DACH2: variants seen among roughly 807,000 people sequenced by gnomAD.
The protein encoded by DACH2 is dachshund family transcription factor 2.
In DACH2, 17 loss-of-function variants were observed where a neutral mutation model predicts 35.8. That is an observed-to-expected ratio of 0.48 (90% confidence interval 0.33 to 0.71). DACH2 has a LOEUF of 0.71. DACH2 is among the 30% of genes least tolerant of loss of function. DACH2 has a pLI of 0.02. For missense variants in DACH2, 469 were observed against 472.7 expected (o/e 0.99, Z 0.07); for synonymous variants, 195 against 177.3 (o/e 1.10, Z -0.79).
At chrX:86,727,258 G>A (rs1406596021) in intron 6 of DACH2, among the ~76,000 whole-genome samples, 1 of 111,465 alleles carries the variant, frequency 9.0e-6, no homozygotes, top group African/African-American at 3.3e-5. Flanking sequence ...TCTTTGTTGT[G>A]TATAGTATAA....
intron 1 of DACH2, among the ~76,000 whole-genome samples, chrX:86,172,577 G>A (rs763260069): frequency 8.9e-6 from 1 of 112,127 alleles, no homozygotes; most frequent in Non-Finnish European, 1.9e-5. Flanking sequence ...ATTACAGGCA[G>A]AGCCAATTCT....
At chrX:86,171,877 G>A (rs1287063049) in intron 1 of DACH2, among the ~76,000 whole-genome samples, 2 of 111,374 alleles carry the variant, frequency 1.8e-5, no homozygotes, top group Non-Finnish European at 3.8e-5. Flanking sequence ...TTGTTAACTT[G>A]CATAGCTTTC....
At chrX:86,636,356 C>T (rs1446705834) in intron 3 of DACH2, among the ~76,000 whole-genome samples, 1 of 111,075 alleles carries the variant, frequency 9.0e-6, no homozygotes, top group East Asian at 2.8e-4. Context: ...GCTGAGACAG[C>T]AGAATCACTT....
intron 2 of DACH2, among the ~76,000 whole-genome samples, chrX:86,452,882 T>C (rs1414325103): frequency 9.0e-6 from 1 of 111,376 alleles, no homozygotes; most frequent in Non-Finnish European, 1.9e-5. Context: ...TTTGCTCTAG[T>C]TCTCTAGTTC....
chrX:86,148,949 A>G lies in DACH2; in HGVS notation c.329A>G (p.Tyr110Cys). The change falls in exon 1 of 12, where the codon TAC becomes TGC. Residue 110 changes from tyrosine (Y) to cysteine (C), a missense_variant. This residue lies in a region of DACH2 where 99 missense variants were observed against 114.3 expected (regional missense o/e 0.87). Transcript: ENST00000373125. The stretch of plus-strand genomic sequence containing the variant: ...CTGGTGGGAGGCTTGCACACTGTGT[A>G]CACCAAGCTGAAGAGACTGGATATA... ...KHLVGGLHTV[Y>C]TKLKRLDISP... 1 of 1,211,091 alleles carries G rather than the reference A, an allele frequency of 8.3e-7. No individual in the cohort carries two copies.
rs747679968 is a variant in DACH2, at chrX:86,599,833, GA to G, written c.641-51201del. Among the ~76,000 whole-genome samples, 4 of 110,584 alleles carry G rather than the reference GA, an allele frequency of 3.6e-5. No homozygotes were observed. In the East Asian group the frequency reaches 8.7e-4, roughly 24 times the overall value. Reference sequence around the variant, plus strand: ...TTTCATTATTAGCTTGCGTATCCCAGAATGGAACCTTCACCCTTTGAATCAC... The same window carrying G: ...TTTCATTATTAGCTTGCGTATCCCAGATGGAACCTTCACCCTTTGAATCAC... On this transcript the variant is annotated intron_variant, in intron 3 of 11. Coordinates refer to ENST00000373125, the MANE Select transcript of DACH2 (RefSeq NM_053281.3).
At chrX:86,355,349 G>A (rs1415088215) in intron 1 of DACH2, among the ~76,000 whole-genome samples, 1 of 111,772 alleles carries the variant, frequency 8.9e-6, no homozygotes, top group African/African-American at 3.3e-5. Flanking sequence ...ATGGTAGAAT[G>A]ATTTACATTC....
chrX:86,533,714 A>G (rs58879682), intron 3 of DACH2, among the ~76,000 whole-genome samples: 114 of 112,277 alleles, frequency 1.0e-3, no homozygotes, highest in African/African-American at 3.4e-3. Context: ...ATTTATTAGG[A>G]GTACCAAGTT....
At chrX:86,678,716 TA>T (rs1051850226) in intron 4 of DACH2, among the ~76,000 whole-genome samples, 147 of 109,935 alleles carry the variant, frequency 1.3e-3, no homozygotes, top group East Asian at 6.0e-3. Flanking sequence ...AAATGAAACA[TA>T]AAAAAAAATA....
intron 1 of DACH2, among the ~76,000 whole-genome samples, chrX:86,370,050 A>G (rs1043018889): frequency 4.5e-5 from 5 of 111,978 alleles, no homozygotes; most frequent in African/African-American, 9.7e-5. Flanking sequence ...TGACTACTGC[A>G]TGCCAGCATT....
chrX:86,307,604 G>A, intron 1 of DACH2, among the ~76,000 whole-genome samples: 1 of 111,233 alleles, frequency 9.0e-6, no homozygotes. Flanking sequence ...ACTGCCTGAG[G>A]TAACAGTGAT....
intron 2 of DACH2, among the ~76,000 whole-genome samples, chrX:86,396,083 A>G (rs1353355427): frequency 8.9e-6 from 1 of 111,763 alleles, no homozygotes. Flanking sequence ...TGCCATTCTA[A>G]CTGGTGTGAG....
intron 2 of DACH2, among the ~76,000 whole-genome samples, chrX:86,465,930 C>A (rs756864989): frequency 9.0e-6 from 1 of 111,493 alleles, no homozygotes; most frequent in African/African-American, 3.3e-5. Flanking sequence ...GCTGTACAAT[C>A]GATATGCAAA....
intron 2 of DACH2, among the ~76,000 whole-genome samples, chrX:86,445,092 T>C (rs1411727779): frequency 9.0e-6 from 1 of 110,864 alleles, no homozygotes; most frequent in Non-Finnish European, 1.9e-5. Context: ...GTTTTTATAG[T>C]TTTCTGAAGT....
chrX:86,412,687 G>A (rs2036634309), intron 2 of DACH2, among the ~76,000 whole-genome samples: 1 of 111,503 alleles, frequency 9.0e-6, no homozygotes, highest in South Asian at 3.7e-4. Flanking sequence ...AGATGGCAGG[G>A]CCTTACTTCA....
At chrX:86,601,080 C>A (rs2039783371) in intron 3 of DACH2, among the ~76,000 whole-genome samples, 1 of 110,955 alleles carries the variant, frequency 9.0e-6, no homozygotes, top group East Asian at 2.9e-4. Context: ...TTTCTGCTCC[C>A]TGAACCAAAA....
At chrX:86,573,437 CA>C (rs757873791) in intron 3 of DACH2, among the ~76,000 whole-genome samples, 56 of 111,391 alleles carry the variant, frequency 5.0e-4, no homozygotes, top group Non-Finnish European at 1.1e-4. Flanking sequence ...GGAAGATTTA[CA>C]AAAATAAATG....
intron 1 of DACH2, among the ~76,000 whole-genome samples, chrX:86,253,184 A>C (rs1206551869): frequency 9.0e-6 from 1 of 110,940 alleles, no homozygotes; most frequent in East Asian, 2.8e-4. Context: ...AAAAAAATAA[A>C]TTAAAAAAAA....
At chrX:86,452,826 G>A (rs1285132229) in intron 2 of DACH2, among the ~76,000 whole-genome samples, 1 of 110,777 alleles carries the variant, frequency 9.0e-6, no homozygotes, top group Admixed American at 9.7e-5. Flanking sequence ...CTTCAGTTCA[G>A]CTCCGATCTT....
Sources: gnomAD v4.1 joint callset for allele counts (sites outside exome capture counted in the v4.1 genomes callset) on GRCh38, gnomAD v4.1.1 for gene constraint, gnomAD v4.1.1 regional missense constraint, MANE v1.5 for transcripts, NCBI Gene and HGNC (gene_info 2026-07-23, HGNC 2026-07-21) for gene names.